FGGY: variants seen among roughly 807,000 people sequenced by gnomAD.
The protein encoded by FGGY is FGGY carbohydrate kinase domain-containing protein.
In FGGY, 72 loss-of-function variants were observed where a neutral mutation model predicts 71.3. The observed-to-expected ratio is 1.01, with a 90% confidence interval of 0.84 to 1.23. FGGY has a LOEUF of 1.23. Among genes scored for constraint, FGGY ranks in the 50% most tolerant of loss-of-function variants. FGGY has a pLI of 0.00. For missense variants in FGGY, 668 were observed against 682.3 expected (o/e 0.98, Z 0.23); for synonymous variants, 251 against 250.3 (o/e 1.00, Z -0.02).
Position 59,716,318 on chromosome 1 carries a change from C to CCTAT in FGGY, c.1513-41612_1513-41611insTATC, listed in dbSNP as rs1264811646. Among the ~76,000 whole-genome samples the CCTAT allele has an allele frequency of 2.0e-5, 3 of 152,180 alleles. No individual in the cohort carries two copies. The East Asian group carries it at 5.8e-4, about 29-fold the overall frequency. ...CTCCTTTCCCAGTTTCCTATCAATT[C>CCTAT]CAGTTACCTTTTGCTTTTCTTCTGC... is the stretch of plus-strand genomic sequence containing the variant. On this transcript the variant is annotated intron_variant, in intron 14 of 15. Coordinates refer to ENST00000303721, the MANE Select transcript of FGGY (RefSeq NM_018291.5).
At chr1:59,429,397 G>A (rs537934605) in intron 5 of FGGY, among the ~76,000 whole-genome samples, 33 of 152,014 alleles carry the variant, frequency 2.2e-4, no homozygotes, top group South Asian at 1.5e-3. Context: ...TTTTTGCTTG[G>A]TAAGTTTCTT....
chr1:59,732,396 A>C (rs2098044190), intron 14 of FGGY, among the ~76,000 whole-genome samples: 1 of 152,216 alleles, frequency 6.6e-6, no homozygotes, highest in Admixed American at 6.5e-5. Flanking sequence ...ATTGACACTA[A>C]GAAACACTTA....
chr1:59,597,451 A>G (rs1237712852), intron 8 of FGGY, among the ~76,000 whole-genome samples: 1 of 152,174 alleles, frequency 6.6e-6, no homozygotes, highest in Non-Finnish European at 1.5e-5. Flanking sequence ...CTCTAGAGCC[A>G]TTATAACCTC....
chr1:59,482,957 G>C (rs1569800103), intron 6 of FGGY, among the ~76,000 whole-genome samples: 2 of 152,058 alleles, frequency 1.3e-5, no homozygotes, highest in South Asian at 2.1e-4. Context: ...CACCTGGGGG[G>C]ATTCTTAAAA....
At chr1:59,754,754 G>A (rs756882714) in intron 14 of FGGY, 10 of 152,334 alleles carry the variant, frequency 6.6e-5, no homozygotes, top group South Asian at 4.1e-4. Context: ...GCTCCACCTC[G>A]TTAGGTGGCC....
chr1:59,659,103 G>T (rs1014988294), intron 11 of FGGY, among the ~76,000 whole-genome samples: 5 of 152,182 alleles, frequency 3.3e-5, no homozygotes, highest in Admixed American at 2.0e-4. Context: ...TGGGGAGGCT[G>T]AGGCAGCAGA....
At chr1:59,618,244 G>C (rs974752571) in intron 9 of FGGY, among the ~76,000 whole-genome samples, 2 of 152,072 alleles carry the variant, frequency 1.3e-5, no homozygotes, top group African/African-American at 4.8e-5. Flanking sequence ...CTAATACTGA[G>C]TACCTATTAT....
intron 14 of FGGY, among the ~76,000 whole-genome samples, chr1:59,746,613 T>C (rs1324336826): frequency 2.6e-5 from 4 of 152,172 alleles, no homozygotes; most frequent in African/African-American, 9.7e-5. Context: ...TCAGTCAGCC[T>C]TCTGAGTAGC....
intron 14 of FGGY, among the ~76,000 whole-genome samples, chr1:59,681,709 A>G (rs2097500877): frequency 6.6e-6 from 1 of 152,174 alleles, no homozygotes; most frequent in South Asian, 2.1e-4. Context: ...TAATATTCAA[A>G]TGAGAGATCA....
intron 5 of FGGY, among the ~76,000 whole-genome samples, chr1:59,450,288 T>C (rs2072396863): frequency 6.6e-6 from 1 of 152,332 alleles, no homozygotes; most frequent in Admixed American, 6.5e-5. Context: ...TAATACACTT[T>C]CATATCTTCC....
At chr1:59,554,438 G>A (rs1226654627) in intron 8 of FGGY, among the ~76,000 whole-genome samples, 1 of 152,164 alleles carries the variant, frequency 6.6e-6, no homozygotes, top group African/African-American at 2.4e-5. Context: ...TTCTTAGTAA[G>A]CATGAAAAGG....
intron 4 of FGGY, among the ~76,000 whole-genome samples, 187 bp from the exon 5 acceptor site, chr1:59,378,562 A>G (rs1424350802): frequency 6.6e-6 from 1 of 152,074 alleles, no homozygotes; most frequent in Non-Finnish European, 1.5e-5. Flanking sequence ...AGGATCAAGC[A>G]TTGTCAGTTT....
intron 6 of FGGY, among the ~76,000 whole-genome samples, chr1:59,488,054 C>T (rs1451178250): frequency 1.3e-5 from 2 of 151,936 alleles, no homozygotes; most frequent in African/African-American, 2.4e-5. Context: ...GAAACCATGC[C>T]GTATATGCCA....
chr1:59,675,322 A>G (rs1252706923), intron 14 of FGGY, among the ~76,000 whole-genome samples: 1 of 152,150 alleles, frequency 6.6e-6, no homozygotes, highest in Non-Finnish European at 1.5e-5. Context: ...TGCTTTTTGT[A>G]TAATCTTCCT....
intron 8 of FGGY, among the ~76,000 whole-genome samples, chr1:59,584,170 C>G (rs1195820861): frequency 1.3e-5 from 2 of 149,204 alleles, no homozygotes; most frequent in African/African-American, 2.6e-5. Context: ...TTTATGAGGC[C>G]AGCAACATCC....
At position 59,614,978 on chromosome 1, in the gene FGGY, C is replaced by A. The variant is rs576896707; in HGVS notation, c.1011+7068C>A. ...GACCTCTTCAAGGAGAACTACAAAC[C>A]ACTGCTCAATGAAATAAAAGAGGAC... On this transcript the variant is annotated intron_variant, in intron 9 of 15. Transcript: ENST00000303721. 2.0e-5 allele frequency among the ~76,000 whole-genome samples: 3 copies of A among 152,136 alleles called. No individual in the cohort carries two copies. The East Asian group carries it at 5.8e-4, about 29-fold the overall frequency.
intron 14 of FGGY, among the ~76,000 whole-genome samples, chr1:59,730,695 G>A (rs74548911): frequency 0.12 from 18,246 of 152,124 alleles, 1,136 homozygotes; most frequent in African/African-American, 0.15. Context: ...CAGAGAATAG[G>A]GAAGTTTTAA....
intron 8 of FGGY, among the ~76,000 whole-genome samples, chr1:59,588,788 A>G (rs2096365337): frequency 6.6e-6 from 1 of 152,206 alleles, no homozygotes; most frequent in African/African-American, 2.4e-5. Flanking sequence ...TCCTGAAGGA[A>G]GCACTAAACA....
chr1:59,487,546 C>T (rs898810629), intron 6 of FGGY, among the ~76,000 whole-genome samples: 22 of 152,162 alleles, frequency 1.4e-4, no homozygotes, highest in African/African-American at 5.3e-4. Flanking sequence ...TTCTCACCCG[C>T]CTTCAGGAAG....
Sources: allele counts gnomAD v4.1 joint callset (sites outside exome capture counted in the v4.1 genomes callset), GRCh38; gene constraint gnomAD v4.1.1; transcripts MANE v1.5; gene names NCBI Gene and HGNC (gene_info 2026-07-23, HGNC 2026-07-21).